The following LRRC66 variants were observed in gnomAD, a reference collection of about 807,000 sequenced individuals.
LRRC66 encodes the protein leucine rich repeat containing 66.
In LRRC66, 29 loss-of-function variants were observed where a neutral mutation model predicts 24.6. The ratio of observed to expected loss-of-function variants is 1.18; its 90% CI spans 0.88 to 1.61. LRRC66 has a LOEUF of 1.61. LRRC66 is among the 40% of genes most tolerant of loss of function. The pLI is 0.00. For missense variants in LRRC66, 1,124 were observed against 1,058.0 expected, an observed-to-expected ratio of 1.06 and a Z score of -0.87; for synonymous variants, 411 against 397.6, an observed-to-expected ratio of 1.03 and a Z score of -0.40.
rs1436416197 is a variant in LRRC66, at chr4:51,995,360, G to T, written c.1662C>A (p.Gly554=). Residue 554 remains glycine, a synonymous_variant, in exon 5 of 5, where the codon GGC becomes GGA. Transcript: ENST00000682860. ...GAGACGTGCCAGCTACAGAAGAGACGCCCACTGAATGTGCACTGAGAGGCT... is the reference window on the plus strand; with the variant it reads ...GAGACGTGCCAGCTACAGAAGAGACTCCCACTGAATGTGCACTGAGAGGCT... ...QEEPLSAHSV[G]VSSVAGTSHA... 1 of 1,614,126 alleles carries T rather than the reference G, an allele frequency of 6.2e-7. No homozygotes were observed. The highest frequency in any genetic ancestry group is 8.5e-7 in the Non-Finnish European group (1 of 1,180,018).
chr4:52,012,785 G>A (rs1411305680), intron 2 of LRRC66, among the ~76,000 whole-genome samples: 2 of 152,086 alleles, frequency 1.3e-5, no homozygotes, highest in Non-Finnish European at 2.9e-5. Flanking sequence ...CACTAGGCAG[G>A]AATTTTATTA....
chr4:52,018,549 T>C (rs1467907829), intron 1 of LRRC66: 9 of 985,358 alleles, frequency 9.1e-6, no homozygotes, highest in Non-Finnish European at 1.1e-5. Flanking sequence ...AATACTAAAA[T>C]GGCTTAACTG....
chr4:52,008,945 A>C (rs1354891584), intron 2 of LRRC66, among the ~76,000 whole-genome samples: 1 of 152,170 alleles, frequency 6.6e-6, no homozygotes, highest in Non-Finnish European at 1.5e-5. Flanking sequence ...TATAGGGGTA[A>C]AATGTAGGAC....
chr4:52,016,989 A>G, intron 2 of LRRC66, 129 bp downstream of exon 2: 1 of 1,002,722 alleles, frequency 1.0e-6, no homozygotes, highest in Non-Finnish European at 1.5e-6. Context: ...AAACATTATT[A>G]TATGTGCTCT....
At chr4:52,011,036 G>T (rs1038024368) in intron 2 of LRRC66, among the ~76,000 whole-genome samples, 1 of 152,152 alleles carries the variant, frequency 6.6e-6, no homozygotes, top group Non-Finnish European at 1.5e-5. Context: ...CGGTTTCCTG[G>T]GTTGGGGAGA....
intron 1 of LRRC66, chr4:52,018,407 TTAAAC>T (rs1259756020): frequency 1.0e-6 from 1 of 985,040 alleles, no homozygotes; most frequent in Admixed American, 6.1e-5. Flanking sequence ...GTGATTTGTT[TTAAAC>T]TAAATTCCAC....
chr4:52,003,751 T>C (rs1158853973), intron 2 of LRRC66, among the ~76,000 whole-genome samples: 1 of 152,154 alleles, frequency 6.6e-6, no homozygotes, highest in Non-Finnish European at 1.5e-5. Flanking sequence ...ATGGTTGAGT[T>C]GAGGGAAGTG....
intron 2 of LRRC66, among the ~76,000 whole-genome samples, chr4:52,016,466 T>C (rs1011587643): frequency 6.6e-6 from 1 of 152,158 alleles, no homozygotes; most frequent in Non-Finnish European, 1.5e-5. Context: ...CTTTATGAAC[T>C]TGATATATTT....
chr4:52,015,726 C>T (rs1210995470), intron 2 of LRRC66, among the ~76,000 whole-genome samples: 1 of 151,960 alleles, frequency 6.6e-6, no homozygotes, highest in South Asian at 2.1e-4. Context: ...TAATGACGTC[C>T]ATCAAAAAAC....
At chr4:51,999,974 G>A (rs1736412078) in intron 3 of LRRC66, among the ~76,000 whole-genome samples, 2 of 152,092 alleles carry the variant, frequency 1.3e-5, no homozygotes, top group Admixed American at 1.3e-4. Flanking sequence ...AAATCTATCT[G>A]GCTTCTGAAA....
intron 3 of LRRC66, among the ~76,000 whole-genome samples, chr4:51,999,623 C>T (rs940354399): frequency 1.3e-5 from 2 of 152,042 alleles, no homozygotes; most frequent in Non-Finnish European, 2.9e-5. Context: ...TAGTGCATGT[C>T]TACATTTATT....
At chr4:52,018,218 T>G in intron 1 of LRRC66, 1 of 985,440 alleles carries the variant, frequency 1.0e-6, no homozygotes, top group Non-Finnish European at 1.2e-6. Context: ...TACAACATAA[T>G]GTGTTATCAA....
chr4:52,009,152 G>C (rs892873115), intron 2 of LRRC66, among the ~76,000 whole-genome samples: 2 of 151,964 alleles, frequency 1.3e-5, no homozygotes, highest in Non-Finnish European at 2.9e-5. Flanking sequence ...ATAACCCATG[G>C]GACCAAGAAA....
intron 3 of LRRC66, among the ~76,000 whole-genome samples, chr4:52,000,863 G>A (rs895345440): frequency 1.3e-5 from 2 of 152,162 alleles, no homozygotes; most frequent in African/African-American, 4.8e-5. Flanking sequence ...GAGGCCCCAG[G>A]TAAGCCATGC....
rs140693296 is a variant in LRRC66 at position 52,006,113 on chromosome 4, T to A, written c.497-2721A>T. Among the ~76,000 whole-genome samples the A allele has an allele frequency of 7.9e-5, 12 of 152,316 alleles. No homozygotes were observed. In the East Asian group the frequency reaches 2.3e-3, roughly 29 times the overall value. ...TTGAGTAAGTGCCCTAGGAGCTAAG[T>A]GGAGGGAGTGATCATGCCTAGCTTT... On this transcript the variant is annotated intron_variant, in intron 2 of 4. Coordinates refer to ENST00000682860, the MANE Select transcript of LRRC66 (RefSeq NM_001024611.3).
Position 52,019,685 on chromosome 4 carries a change from C to G in LRRC66, c.-6+619G>C, listed in dbSNP as rs556674910. Among the ~76,000 whole-genome samples the G allele has an allele frequency of 3.5e-4, 53 of 152,212 alleles. 1 individual carries two copies. The highest frequency in any genetic ancestry group is 1.2e-3 in the African/African-American group (51 of 41,534). Reference sequence around the variant, plus strand: ...CCCAGGAACAAAGATATTTTTTCTACGTTCAAAGCTGAGATCATTATATAT... The same window carrying G: ...CCCAGGAACAAAGATATTTTTTCTAGGTTCAAAGCTGAGATCATTATATAT... On this transcript the variant is annotated intron_variant, in intron 1 of 4. Transcript: ENST00000682860.
intron 2 of LRRC66, among the ~76,000 whole-genome samples, chr4:52,007,609 G>A (rs1736617590): frequency 6.6e-6 from 1 of 152,192 alleles, no homozygotes; most frequent in Non-Finnish European, 1.5e-5. Flanking sequence ...CGATCTTCAA[G>A]CTTTTGGAGT....
At chr4:52,019,981 T>C (rs1736906096) in intron 1 of LRRC66, among the ~76,000 whole-genome samples, 2 of 152,086 alleles carry the variant, frequency 1.3e-5, no homozygotes, top group Non-Finnish European at 2.9e-5. Context: ...TATAAATTTA[T>C]ATGTATTAGG....
chr4:51,994,291 T>C lies in LRRC66; in HGVS notation c.*88A>G, dbSNP rs1736234077. 5.6e-6 allele frequency: 7 copies of C among 1,248,744 alleles called. No homozygotes were observed. In the South Asian group the frequency reaches 1.1e-4, roughly 20 times the overall value. The allele number at this position is 1,248,744 out of a possible 1,614,324, so 77.4% of individuals were successfully genotyped here. A position where few individuals can be genotyped will look rare whatever the true frequency, so the allele number is the denominator to read the frequency against. ...GGAATTCATGTTGTCTCCTTCAGGA[T>C]CTTGTTGTGAAGGCTTTAGTTTTCC... On this transcript the variant is annotated 3_prime_UTR_variant, in exon 5 of 5. Coordinates refer to ENST00000682860, the MANE Select transcript of LRRC66 (RefSeq NM_001024611.3).
Sources: gnomAD v4.1 joint callset for allele counts (sites outside exome capture counted in the v4.1 genomes callset) on GRCh38, gnomAD v4.1.1 for gene constraint, MANE v1.5 for transcripts, NCBI Gene and HGNC (gene_info 2026-07-23, HGNC 2026-07-21) for gene names.